Variants in SLC2A5 observed in about 807,000 individuals in gnomAD.
SLC2A5 encodes the protein solute carrier family 2 member 5, also known as solute carrier family 2, facilitated glucose transporter member 5.
SLC2A5 carries 56 observed loss-of-function variants against 50.3 expected under a neutral mutation model. The ratio of observed to expected loss-of-function variants is 1.11; its 90% confidence interval spans 0.90 to 1.39. The LOEUF is 1.39. Among genes scored for constraint, SLC2A5 ranks in the 40% most tolerant of loss-of-function variants. The probability of loss-of-function intolerance (pLI) is 0.00; values close to 1 mark genes in which losing one functional copy is unlikely to be tolerated. For synonymous variants in SLC2A5, 269 were observed against 281.9 expected (o/e 0.95, Z 0.46); for missense variants, 566 against 650.1 (o/e 0.87, Z 1.41).
chr1:9,091,178 T>A (rs1482613927), upstream of SLC2A5, among the ~76,000 whole-genome samples: 1 of 152,196 alleles, frequency 6.6e-6, no homozygotes, highest in Non-Finnish European at 1.5e-5. Flanking sequence ...CTAAAGGAAA[T>A]CTTGACCAAC....
upstream of SLC2A5, among the ~76,000 whole-genome samples, chr1:9,091,606 C>T (rs1642463370): frequency 6.6e-6 from 1 of 150,860 alleles, no homozygotes; most frequent in African/African-American, 2.5e-5. Context: ...TCATGATGCC[C>T]CCTGTTAATC....
At chr1:9,084,036 C>T (rs1037310420) in intron 2 of SLC2A5, among the ~76,000 whole-genome samples, 2 of 151,650 alleles carry the variant, frequency 1.3e-5, no homozygotes, top group Admixed American at 6.6e-5. Flanking sequence ...CCCAGCTACG[C>T]GGGAGGCTGA....
intron 3 of SLC2A5, 103 bp from the exon 4 acceptor site, chr1:9,047,837 C>A (rs1641475594): frequency 1.6e-6 from 2 of 1,242,234 alleles, no homozygotes; most frequent in African/African-American, 1.5e-5. Flanking sequence ...GCAGTTACAG[C>A]AGCTTTACTG....
At chr1:9,039,051 C>G in intron 8 of SLC2A5, 122 bp from the exon 9 acceptor site, 1 of 1,149,868 alleles carries the variant, frequency 8.7e-7, no homozygotes, top group Non-Finnish European at 1.2e-6. Flanking sequence ...TGCACGCACA[C>G]TCACATTCAC....
chr1:9,082,855 A>G, intron 2 of SLC2A5: 1 of 376,122 alleles, frequency 2.7e-6, no homozygotes, highest in Non-Finnish European at 5.1e-6. Context: ...CAGTTCGATG[A>G]TCATGTATGG....
chr1:9,064,289 T>C (rs1174020317), intron 1 of SLC2A5, among the ~76,000 whole-genome samples: 1 of 152,138 alleles, frequency 6.6e-6, no homozygotes, highest in Non-Finnish European at 1.5e-5. Flanking sequence ...AATTTGGTAC[T>C]GGGCTGGATT....
intron 4 of SLC2A5, among the ~76,000 whole-genome samples, chr1:9,042,593 C>CTG (rs534980545): frequency 0.02 from 2,634 of 131,672 alleles, 32 homozygotes; most frequent in South Asian, 0.073. Flanking sequence ...TATATGGCCT[C>CTG]TGTGTGTGTG....
In SLC2A5 at chr1:9,069,489, G is replaced by T. The variant is rs1400929630; in HGVS notation, c.33+15C>A. The T allele has an allele frequency of 6.2e-7, 1 of 1,613,542 alleles. No homozygotes were observed. The highest frequency in any genetic ancestry group is 2.2e-5 in the East Asian group (1 of 44,882). ...AAGCCTGCTCTTGGCCCCTTTCCCT[G>T]AGCAACACACTCACCCCTTCCTTCA... On this transcript the variant is annotated intron_variant, in intron 1 of 11. Coordinates refer to ENST00000377424, the MANE Select transcript of SLC2A5 (RefSeq NM_003039.3).
At chr1:9,038,341 G>A (rs1641190897) in intron 10 of SLC2A5, 90 bp downstream of exon 10, 1 of 949,694 alleles carries the variant, frequency 1.1e-6, no homozygotes, top group Middle Eastern at 2.3e-4. Context: ...GGCTGCATTG[G>A]CCATCCCTGG....
chr1:9,038,941 T>C lies in SLC2A5; in HGVS notation c.997-12A>G. The C allele has an allele frequency of 6.2e-7, 1 of 1,610,352 alleles. No individual in the cohort carries two copies. ...TCCACCACGAACACCTACAGGAGGGTGGCAGGGCTCAGGCGGGAGAGGCCC... is the reference window on the plus strand; with the variant it reads ...TCCACCACGAACACCTACAGGAGGGCGGCAGGGCTCAGGCGGGAGAGGCCC... On this transcript the variant is annotated splice_polypyrimidine_tract_variant and intron_variant, in intron 8 of 11. Transcript: ENST00000377424.
chr1:9,078,392 C>T (rs907178341), intron 2 of SLC2A5, among the ~76,000 whole-genome samples: 12 of 152,140 alleles, frequency 7.9e-5, no homozygotes, highest in African/African-American at 2.7e-4. Context: ...CAGTAGGTCT[C>T]AGCCTCACTT....
intron 3 of SLC2A5, among the ~76,000 whole-genome samples, chr1:9,048,419 C>G (rs775277791): frequency 6.6e-6 from 1 of 151,794 alleles, no homozygotes; most frequent in South Asian, 2.1e-4. Context: ...GGCTGAGGCA[C>G]GAGAATTGCT....
At chr1:9,085,455 A>G (rs1642392477) in intron 1 of SLC2A5, among the ~76,000 whole-genome samples, 2 of 152,220 alleles carry the variant, frequency 1.3e-5, no homozygotes, top group South Asian at 4.1e-4. Flanking sequence ...ATTAAACAGA[A>G]AGGAATGTCT....
intron 2 of SLC2A5, among the ~76,000 whole-genome samples, chr1:9,081,252 C>G (rs1366293705): frequency 8.8e-6 from 1 of 113,936 alleles, no homozygotes; most frequent in Non-Finnish European, 1.7e-5. Context: ...AGCATGAGAC[C>G]TTGTTTCAGA....
chr1:9,069,644 A>C (rs1569910105), upstream of SLC2A5: 457 of 1,189,320 alleles, frequency 3.8e-4, no homozygotes, highest in Middle Eastern at 5.8e-4. Context: ...ATGCCAAATA[A>C]CAGCCAATAG....
chr1:9,069,701 G>C, upstream of SLC2A5: 1 of 707,402 alleles, frequency 1.4e-6, no homozygotes. Context: ...CAGGAACCTG[G>C]TCTTCCTTTC....
Position 9,037,931 on chromosome 1 carries a change from T to C in SLC2A5, c.1268A>G (p.Asn423Ser), listed in dbSNP as rs767245526. Reference protein sequence around the residue: ...MVGGSVHWLSNFTVGLIFPFI... With the variant: ...MVGGSVHWLSSFTVGLIFPFI... ...CGGGAAGATCAAGCCCACGGTGAAG[T>C]TGGAGAGCCAGTGCACACTGCCCCC... Residue 423 changes from asparagine to serine, a missense_variant, in exon 11 of 12, where the codon AAC (asparagine) becomes AGC (serine). Transcript: ENST00000377424. 1.5e-5 allele frequency: 24 copies of C among 1,613,874 alleles called. 1 individual carries two copies. The South Asian group carries it at 2.4e-4, about 16-fold the overall frequency.
chr1:9,038,991 C>T, intron 8 of SLC2A5, 62 bp from the exon 9 acceptor site: 1 of 1,567,524 alleles, frequency 6.4e-7, no homozygotes, highest in Non-Finnish European at 8.7e-7. Context: ...CCAGCCCCCT[C>T]CAATGGGGCA....
intron 5 of SLC2A5, chr1:9,041,095 C>T (rs1233077678): frequency 9.7e-6 from 3 of 310,528 alleles, no homozygotes; most frequent in African/African-American, 2.1e-5. Flanking sequence ...CAGAGAGTGT[C>T]TAAGCAGCAC....
Sources: allele counts gnomAD v4.1 joint callset (sites outside exome capture counted in the v4.1 genomes callset), GRCh38; gene constraint gnomAD v4.1.1; transcripts MANE v1.5; gene names NCBI Gene and HGNC (gene_info 2026-07-23, HGNC 2026-07-21).